FBXO31: variants seen among roughly 807,000 people sequenced by gnomAD.
FBXO31 encodes F-box only protein 31.
A neutral mutation model predicts 54.4 loss-of-function variants in FBXO31; 24 were observed. The observed-to-expected ratio is 0.44, with a 90% CI of 0.32 to 0.62. The LOEUF (loss-of-function observed/expected upper bound fraction) is 0.62, where lower values mean the gene tolerates loss of function less well. Among genes scored for constraint, FBXO31 ranks in the 20% least tolerant of loss-of-function variants. The pLI is 0.05. For missense variants in FBXO31, 665 were observed against 787.1 expected (o/e 0.84, Z 1.86); for synonymous variants, 388 against 335.6 (o/e 1.16, Z -1.71).
chr16:87,343,296 C>A (rs996920567), intron 4 of FBXO31, among the ~76,000 whole-genome samples: 1 of 152,232 alleles, frequency 6.6e-6, no homozygotes. Flanking sequence ...GAACAGAGAG[C>A]GCACTTGATT....
upstream of FBXO31, chr16:87,383,810 G>A: frequency 9.3e-7 from 1 of 1,079,296 alleles, no homozygotes. This position sits in a 1 kb window ranked among gnomAD's most constrained non-coding sequence, Gnocchi z 4.9. Flanking sequence ...CCCCGCCAGC[G>A]CCGAGCCACG....
intron 3 of FBXO31, 133 bp downstream of exon 3, chr16:87,347,041 G>T (rs1264901143): frequency 1.3e-6 from 1 of 799,314 alleles, no homozygotes; most frequent in East Asian, 2.4e-5. Context: ...GACAGAGCAA[G>T]AATTTTTTGG....
intron 2 of FBXO31, among the ~76,000 whole-genome samples, chr16:87,357,916 C>CAA (rs796716025): frequency 2.3e-5 from 3 of 132,646 alleles, no homozygotes; most frequent in African/African-American, 5.5e-5. Context: ...GACTCTGCCT[C>CAA]AAAAAAAAAA....
At chr16:87,365,979 A>T (rs1007881957) in intron 1 of FBXO31, among the ~76,000 whole-genome samples, 5 of 152,158 alleles carry the variant, frequency 3.3e-5, no homozygotes, top group African/African-American at 1.2e-4. Flanking sequence ...CCGTGAGCCA[A>T]GATTGCGCCA....
chr16:87,369,324 C>G (rs572295078), intron 1 of FBXO31, among the ~76,000 whole-genome samples: 1 of 152,112 alleles, frequency 6.6e-6, no homozygotes, highest in Non-Finnish European at 1.5e-5. Context: ...AAACTGTCCC[C>G]ATGGAGCGGC....
At chr16:87,354,244 G>A (rs879289968) in intron 2 of FBXO31, among the ~76,000 whole-genome samples, 10 of 151,908 alleles carry the variant, frequency 6.6e-5, no homozygotes, top group East Asian at 2.0e-4. Flanking sequence ...AAGCTGAGGC[G>A]GGATAATCGC....
At chr16:87,388,938 A>C (rs1296726046) in intron 1 of FBXO31, among the ~76,000 whole-genome samples, 5 of 152,182 alleles carry the variant, frequency 3.3e-5, no homozygotes, top group Non-Finnish European at 7.3e-5. Context: ...TTTATATTAC[A>C]CTATGCTTAT....
intron 1 of FBXO31, among the ~76,000 whole-genome samples, chr16:87,374,287 G>A (rs1399946986): frequency 1.3e-5 from 2 of 151,620 alleles, no homozygotes; most frequent in African/African-American, 4.8e-5. Context: ...AGTTGAAAAT[G>A]CACTGACTAC....
chr16:87,370,174 G>A (rs1025836693), intron 1 of FBXO31, among the ~76,000 whole-genome samples: 1 of 152,156 alleles, frequency 6.6e-6, no homozygotes, highest in Non-Finnish European at 1.5e-5. Context: ...TCCCTCTCAG[G>A]GGCCCGGGGA....
intron 5 of FBXO31, among the ~76,000 whole-genome samples, chr16:87,339,854 G>A (rs965231894): frequency 6.6e-6 from 1 of 152,258 alleles, no homozygotes; most frequent in Admixed American, 6.5e-5. Flanking sequence ...TACAGTGATA[G>A]GCCAGTGCAA....
chr16:87,351,366 T>C (rs776987087), intron 2 of FBXO31, among the ~76,000 whole-genome samples: 13 of 152,168 alleles, frequency 8.5e-5, no homozygotes, highest in Non-Finnish European at 4.4e-5. Context: ...CCTATCTTTC[T>C]AAATTCGGAG....
Position 87,331,245 on chromosome 16 carries a change from A to G in FBXO31, c.*43T>C, listed in dbSNP as rs1481019872. Reference sequence around the variant, plus strand: ...CTTCTATTCACAGGTCAGAGTTCAGAGCCCCAGAGCCACCCGGGATGTGGC... The same window carrying G: ...CTTCTATTCACAGGTCAGAGTTCAGGGCCCCAGAGCCACCCGGGATGTGGC... On this transcript the variant is annotated 3_prime_UTR_variant, in exon 9 of 9. Coordinates refer to ENST00000311635, the MANE Select transcript of FBXO31 (RefSeq NM_024735.5). The G allele has an allele frequency of 6.3e-7, 1 of 1,588,800 alleles. No individual in the cohort carries two copies. Among genetic ancestry groups the G allele is most frequent in the East Asian group, 2.3e-5 (1 of 44,438 alleles).
chr16:87,391,225 T>C (rs964157344), upstream of FBXO31, among the ~76,000 whole-genome samples: 6 of 152,032 alleles, frequency 3.9e-5, no homozygotes, highest in Non-Finnish European at 7.4e-5. Context: ...GAGGATCCCT[T>C]GAGCCCAGGC....
chr16:87,350,209 G>A (rs1390592587), intron 2 of FBXO31, among the ~76,000 whole-genome samples: 3 of 152,132 alleles, frequency 2.0e-5, no homozygotes, highest in Non-Finnish European at 4.4e-5. Context: ...AGATGGAGCA[G>A]GGAGGGCAAG....
upstream of FBXO31, chr16:87,383,946 C>A (rs1483997907): frequency 7.3e-6 from 2 of 274,722 alleles, no homozygotes; most frequent in Non-Finnish European, 1.3e-5. This position sits in a 1 kb window ranked among gnomAD's most constrained non-coding sequence, Gnocchi z 4.9. Flanking sequence ...CTGCTGCCCT[C>A]CCCTCCAGCG....
At chr16:87,386,489 G>C (rs1020545078), upstream of FBXO31, among the ~76,000 whole-genome samples, 10 of 152,206 alleles carry the variant, frequency 6.6e-5, no homozygotes, top group Admixed American at 4.6e-4. Context: ...CTGGAGTGCA[G>C]TGGCACAATC....
At chr16:87,337,397 C>T (rs1597359195) in intron 5 of FBXO31, among the ~76,000 whole-genome samples, 1 of 152,276 alleles carries the variant, frequency 6.6e-6, no homozygotes, top group East Asian at 1.9e-4. Context: ...TCACGCCAAC[C>T]ACAAGCCCAC....
chr16:87,362,101 CCA>C, intron 1 of FBXO31, among the ~76,000 whole-genome samples: 1 of 147,956 alleles, frequency 6.8e-6, no homozygotes, highest in South Asian at 2.1e-4. Flanking sequence ...TGAAGATCTC[CCA>C]CAGAGCCCAG....
intron 2 of FBXO31, among the ~76,000 whole-genome samples, chr16:87,353,798 C>T (rs1018608585): frequency 1.3e-5 from 2 of 150,064 alleles, no homozygotes; most frequent in African/African-American, 4.9e-5. Flanking sequence ...GACCCTTCGG[C>T]GGGAGCAGGG....
Sources: gnomAD v4.1 joint callset for allele counts (sites outside exome capture counted in the v4.1 genomes callset) on GRCh38, gnomAD v4.1.1 for gene constraint, Gnocchi (gnomAD v3.1) non-coding constraint, MANE v1.5 for transcripts, NCBI Gene and HGNC (gene_info 2026-07-23, HGNC 2026-07-21) for gene names.